The following TAS2R1 variants were observed in gnomAD, a reference collection of about 807,000 sequenced individuals.
TAS2R1 encodes the protein taste 2 receptor member 1, also known as taste receptor type 2 member 1.
For synonymous variants in TAS2R1, 141 were observed against 134.2 expected (o/e 1.05, Z -0.35); for missense variants, 370 against 353.4 (o/e 1.05, Z -0.38).
chr5:9,672,955 T>C (rs1320723103), intron 1 of TAS2R1, among the ~76,000 whole-genome samples: 1 of 152,176 alleles, frequency 6.6e-6, no homozygotes, highest in Non-Finnish European at 1.5e-5. Flanking sequence ...CATGGAATAC[T>C]ACATAGCATA....
the TAS2R1 span, among the ~76,000 whole-genome samples, chr5:9,867,538 T>G: frequency 6.6e-6 from 1 of 152,164 alleles, no homozygotes; most frequent in African/African-American, 2.4e-5. Context: ...CCCCCATGAT[T>G]CAATTACTTC....
At chr5:9,733,597 C>A in the TAS2R1 span, among the ~76,000 whole-genome samples, 2 of 152,216 alleles carry the variant, frequency 1.3e-5, no homozygotes, top group African/African-American at 2.4e-5. Flanking sequence ...GGCTTCCAAG[C>A]AGCTCACATT....
chr5:9,886,677 C>G, the TAS2R1 span, among the ~76,000 whole-genome samples: 1 of 152,022 alleles, frequency 6.6e-6, no homozygotes, highest in African/African-American at 2.4e-5. Flanking sequence ...TACAGTTTAA[C>G]ACCTATATGA....
the TAS2R1 span, among the ~76,000 whole-genome samples, chr5:9,766,543 C>T: frequency 6.6e-5 from 10 of 152,206 alleles, no homozygotes; most frequent in Non-Finnish European, 7.3e-5. Context: ...CCAGAGGTCA[C>T]CTGGGTTGGA....
upstream of TAS2R1, chr5:9,712,479 A>C (rs1734703701): frequency 6.6e-6 from 1 of 152,224 alleles, no homozygotes; most frequent in Admixed American, 6.5e-5. Flanking sequence ...GGTGGGACTC[A>C]TCTAATCAGT....
chr5:9,883,767 T>C, the TAS2R1 span, among the ~76,000 whole-genome samples: 5 of 152,198 alleles, frequency 3.3e-5, no homozygotes, highest in African/African-American at 1.2e-4. Flanking sequence ...GTGGGTCCAG[T>C]GGCCAGCTCT....
At chr5:9,770,144 C>T in the TAS2R1 span, among the ~76,000 whole-genome samples, 1 of 152,034 alleles carries the variant, frequency 6.6e-6, no homozygotes, top group South Asian at 2.1e-4. Context: ...ATTCAGTTTT[C>T]CCACATGTTT....
the TAS2R1 span, among the ~76,000 whole-genome samples, chr5:9,861,037 GT>G: frequency 1.2e-3 from 104 of 88,602 alleles, 3 homozygotes; most frequent in African/African-American, 1.9e-3. Context: ...GGAAGATGAG[GT>G]TTTTTTTTTT....
At chr5:9,797,699 C>T in the TAS2R1 span, among the ~76,000 whole-genome samples, 6 of 152,122 alleles carry the variant, frequency 3.9e-5, no homozygotes, top group African/African-American at 1.4e-4. Flanking sequence ...ACGATGATGC[C>T]ACTGCTGATT....
At chr5:9,837,076 G>T in the TAS2R1 span, among the ~76,000 whole-genome samples, 1 of 152,144 alleles carries the variant, frequency 6.6e-6, no homozygotes, top group African/African-American at 2.4e-5. Context: ...TTTTAATGAG[G>T]CTGAGATGCC....
At chr5:9,900,013 C>T in the TAS2R1 span, among the ~76,000 whole-genome samples, 20 of 152,102 alleles carry the variant, frequency 1.3e-4, no homozygotes, top group African/African-American at 4.8e-4. Context: ...AAGATAAATG[C>T]CCAAAAGTGC....
chr5:9,810,025 CTTTTAT>C, the TAS2R1 span, among the ~76,000 whole-genome samples: 1 of 152,158 alleles, frequency 6.6e-6, no homozygotes, highest in Non-Finnish European at 1.5e-5. Flanking sequence ...TACACTCATT[CTTTTAT>C]TTTTATTATT....
At chr5:9,889,574 C>CG in the TAS2R1 span, 1 of 151,692 alleles carries the variant, frequency 6.6e-6, no homozygotes, top group Non-Finnish European at 1.5e-5. Context: ...TTATTGGTGG[C>CG]GGGGGGTAAC....
the TAS2R1 span, among the ~76,000 whole-genome samples, chr5:9,883,109 G>C: frequency 6.6e-6 from 1 of 152,198 alleles, no homozygotes; most frequent in African/African-American, 2.4e-5. Flanking sequence ...ATTATCCTCA[G>C]CAAAGTAATG....
chr5:9,821,463 C>T, the TAS2R1 span, among the ~76,000 whole-genome samples: 104 of 152,286 alleles, frequency 6.8e-4, no homozygotes, highest in Non-Finnish European at 1.3e-3. Flanking sequence ...TTGAACTTTA[C>T]AGTCATTATT....
At chr5:9,813,099 A>G in the TAS2R1 span, among the ~76,000 whole-genome samples, 2 of 152,216 alleles carry the variant, frequency 1.3e-5, no homozygotes, top group Non-Finnish European at 2.9e-5. Context: ...ATTTTAAACA[A>G]GGACCTTATC....
the TAS2R1 span, among the ~76,000 whole-genome samples, chr5:9,849,163 G>C: frequency 6.6e-6 from 1 of 152,176 alleles, no homozygotes. Context: ...ATGTTCCTGG[G>C]ATCCGAACTG....
chr5:9,697,139 T>G (rs911087158), intron 1 of TAS2R1, among the ~76,000 whole-genome samples: 1 of 152,076 alleles, frequency 6.6e-6, no homozygotes, highest in Non-Finnish European at 1.5e-5. Flanking sequence ...AAGGGAAGCC[T>G]TTTAATTTGA....
At chr5:9,812,077 T>C in the TAS2R1 span, among the ~76,000 whole-genome samples, 3 of 152,104 alleles carry the variant, frequency 2.0e-5, no homozygotes, top group Non-Finnish European at 2.9e-5. Flanking sequence ...TAGGTCTCAC[T>C]GTTATTTTCT....
Sources: allele counts gnomAD v4.1 joint callset (sites outside exome capture counted in the v4.1 genomes callset), GRCh38; gene constraint gnomAD v4.1.1; transcripts MANE v1.5; gene names NCBI Gene and HGNC (gene_info 2026-07-23, HGNC 2026-07-21).